NCOA1: variants seen among roughly 807,000 people sequenced by gnomAD.
NCOA1 encodes nuclear receptor coactivator 1.
NCOA1 carries 35 observed loss-of-function variants against 150.9 expected under a neutral mutation model. That is an observed-to-expected ratio of 0.23 (90% CI 0.18 to 0.31). The LOEUF (loss-of-function observed/expected upper bound fraction) is 0.31. NCOA1 is among the 10% of genes least tolerant of loss of function. The pLI is 1.00. For missense variants in NCOA1, 1,491 were observed against 1,749.3 expected (o/e 0.85, Z 2.63); for synonymous variants, 590 against 630.0 (o/e 0.94, Z 0.95).
At chr2:24,583,807 A>G (rs1667294742) in intron 2 of NCOA1, among the ~76,000 whole-genome samples, 1 of 152,176 alleles carries the variant, frequency 6.6e-6, no homozygotes, top group Non-Finnish European at 1.5e-5. Context: ...AGACAAATAT[A>G]GCACATTTTC....
chr2:24,520,146 G>A (rs558089472), intron 1 of NCOA1, among the ~76,000 whole-genome samples: 1 of 152,298 alleles, frequency 6.6e-6, no homozygotes, highest in East Asian at 1.9e-4. Context: ...TCACATTATG[G>A]TGGGAATGTA....
At chr2:24,514,550 C>G (rs1247990849) in intron 1 of NCOA1, among the ~76,000 whole-genome samples, 8 of 151,908 alleles carry the variant, frequency 5.3e-5, no homozygotes, top group Admixed American at 5.2e-4. Flanking sequence ...CAACCGTAAT[C>G]TTAGCACTTT....
At chr2:24,767,992 G>A (rs778028230) in intron 22 of NCOA1, 100 of 1,369,062 alleles carry the variant, frequency 7.3e-5, no homozygotes, top group Admixed American at 1.7e-4. Context: ...TATAGGAGGC[G>A]TGACCATTCC....
At chr2:24,520,332 C>T (rs1036155569) in intron 1 of NCOA1, among the ~76,000 whole-genome samples, 4 of 152,090 alleles carry the variant, frequency 2.6e-5, no homozygotes, top group African/African-American at 9.6e-5. Context: ...TTTTAATACT[C>T]CCAAATTAGA....
intron 2 of NCOA1, among the ~76,000 whole-genome samples, chr2:24,580,947 G>A (rs1005937746): frequency 6.6e-6 from 1 of 152,166 alleles, no homozygotes; most frequent in African/African-American, 2.4e-5. Flanking sequence ...CCCTGCCCCC[G>A]CATGAGAAGG....
chr2:24,712,486 A>G (rs1330708216), intron 14 of NCOA1, among the ~76,000 whole-genome samples: 1 of 152,206 alleles, frequency 6.6e-6, no homozygotes, highest in Non-Finnish European at 1.5e-5. Context: ...CCAACAATGA[A>G]GGCTCCCAGA....
At chr2:24,642,826 G>A (rs1670292395) in intron 3 of NCOA1, among the ~76,000 whole-genome samples, 1 of 152,148 alleles carries the variant, frequency 6.6e-6, no homozygotes, top group Admixed American at 6.5e-5. Context: ...CAAACTGGAT[G>A]GATCTCAAGG....
intron 1 of NCOA1, among the ~76,000 whole-genome samples, chr2:24,497,453 A>G (rs1166689098): frequency 6.6e-6 from 1 of 152,124 alleles, no homozygotes; most frequent in Non-Finnish European, 1.5e-5. Context: ...CAAGGCAGGC[A>G]GATCATGAGG....
intron 1 of NCOA1, among the ~76,000 whole-genome samples, chr2:24,513,500 T>G (rs1264423376): frequency 1.3e-5 from 2 of 152,192 alleles, no homozygotes; most frequent in African/African-American, 4.8e-5. Context: ...TTTCCATGTT[T>G]TATTATTAGA....
intron 3 of NCOA1, among the ~76,000 whole-genome samples, chr2:24,592,530 T>C (rs867275516): frequency 6.6e-6 from 1 of 151,934 alleles, no homozygotes; most frequent in Middle Eastern, 3.4e-3. Flanking sequence ...CTTCATTTGA[T>C]GAAATTTAAG....
chr2:24,549,917 C>G (rs540971608), intron 1 of NCOA1, among the ~76,000 whole-genome samples: 1 of 152,132 alleles, frequency 6.6e-6, no homozygotes, highest in Non-Finnish European at 1.5e-5. Flanking sequence ...CCCAAGTCAC[C>G]TCTTGAATGT....
In NCOA1 at chr2:24,600,777, C is replaced by T. The variant is rs73920101; in HGVS notation, c.-175+16217C>T. On this transcript the variant is annotated intron_variant, in intron 3 of 22. Transcript: ENST00000348332. ...CTATTCTAATTTCCATCCTCCAAAC[C>T]TTATTGCCTCTTACTATTATTACTC... 9.0e-3 allele frequency among the ~76,000 whole-genome samples: 1,365 copies of T among 152,278 alleles called. 27 individuals carry two copies. The highest frequency in any genetic ancestry group is 0.031 in the African/African-American group (1,297 of 41,558).
At chr2:24,505,502 TAATG>T (rs1450222389) in intron 1 of NCOA1, among the ~76,000 whole-genome samples, 1 of 152,232 alleles carries the variant, frequency 6.6e-6, no homozygotes, top group African/African-American at 2.4e-5. Flanking sequence ...TAAAATTAAA[TAATG>T]AACCATATAA....
Position 24,768,226 on chromosome 2 carries a change from G to A in NCOA1, c.4161G>A (p.Val1387=). ...ATCTTTTATTTGTGTTCCAGCAGGT[G>A]CAACAGGTTCAGGTGTTTGCTGACG... The part of the protein sequence containing the change: ...LKTEADGTQQ[V]QQVQVFADVQ... Residue 1387 remains valine, a synonymous_variant, in exon 23 of 23, where the codon GTG becomes GTA. Coordinates refer to ENST00000348332, the MANE Select transcript of NCOA1 (RefSeq NM_003743.5). 6.2e-7 allele frequency: 1 copy of A among 1,611,676 alleles called. No homozygotes were observed. Among genetic ancestry groups the A allele is most frequent in the Non-Finnish European group, 8.5e-7 (1 of 1,178,062 alleles).
intron 7 of NCOA1, among the ~76,000 whole-genome samples, chr2:24,676,820 A>C (rs1288157867): frequency 2.6e-5 from 4 of 152,212 alleles, no homozygotes; most frequent in Non-Finnish European, 1.5e-5. Context: ...TCACTACAAG[A>C]AAAATTTCAT....
intron 2 of NCOA1, among the ~76,000 whole-genome samples, chr2:24,581,685 T>C (rs1667200563): frequency 6.6e-6 from 1 of 152,154 alleles, no homozygotes; most frequent in South Asian, 2.1e-4. Flanking sequence ...CAGGCCAATA[T>C]TCCTGATAAA....
chr2:24,667,176 A>T lies in NCOA1; in HGVS notation c.256+1261A>T, dbSNP rs116345247. Among the ~76,000 whole-genome samples, 283 of 152,356 alleles carry T rather than the reference A, an allele frequency of 1.9e-3. 2 individuals carry two copies. The highest frequency in any genetic ancestry group is 5.4e-3 in the African/African-American group (225 of 41,594). On this transcript the variant is annotated intron_variant, in intron 6 of 22. Coordinates refer to ENST00000348332, the MANE Select transcript of NCOA1 (RefSeq NM_003743.5). ...CAGATAGTCTAGTGACAACTGATTT[A>T]GCAAACAGGAGAAACCGTACTGTAA...
At chr2:24,670,584 A>C (rs1383146345) in intron 6 of NCOA1, among the ~76,000 whole-genome samples, 1 of 152,246 alleles carries the variant, frequency 6.6e-6, no homozygotes, top group African/African-American at 2.4e-5. Flanking sequence ...ATATGACCAC[A>C]TATTGTATGA....
intron 1 of NCOA1, among the ~76,000 whole-genome samples, chr2:24,543,642 A>T (rs971178961): frequency 1.3e-5 from 2 of 152,114 alleles, no homozygotes; most frequent in Non-Finnish European, 2.9e-5. Context: ...TGAACAGGGA[A>T]GGCAGAGATG....
Sources: allele counts gnomAD v4.1 joint callset (sites outside exome capture counted in the v4.1 genomes callset), GRCh38; gene constraint gnomAD v4.1.1; transcripts MANE v1.5; gene names NCBI Gene and HGNC (gene_info 2026-07-23, HGNC 2026-07-21).